The following MACF1 variants were observed in gnomAD, a reference collection of about 807,000 sequenced individuals.
The protein encoded by MACF1 is microtubule actin crosslinking factor 1, also known as microtubule-actin cross-linking factor 1.
MACF1 carries 193 observed loss-of-function variants against 854.8 expected under a neutral mutation model. That is an observed-to-expected ratio of 0.23 (90% CI 0.20 to 0.25). The LOEUF (loss-of-function observed/expected upper bound fraction) is 0.25, where lower values mean the gene tolerates loss of function less well. Ranked by LOEUF, MACF1 falls within the 10% of genes least tolerant of loss-of-function variation. MACF1 has a pLI of 1.00. For missense variants in MACF1, 7,722 were observed against 8,929.1 expected, an observed-to-expected ratio of 0.86 and a Z score of 5.45; for synonymous variants, 3,185 against 3,226.7, an observed-to-expected ratio of 0.99 and a Z score of 0.44.
chr1:39,485,700 A>C lies in MACF1; in HGVS notation c.22574A>C (p.Asn7525Thr). 6.2e-7 allele frequency: 1 copy of C among 1,613,900 alleles called. No individual in the cohort carries two copies. The highest frequency in any genetic ancestry group is 1.1e-5 in the South Asian group (1 of 91,066). ...AGCAGCGCTGCAGGGGGCCAAGGCA[A>C]CTCCAGGAGAGGGCTAAACAAACCT... is the stretch of plus-strand genomic sequence containing the variant. ...SESSAAGGQG[N>T]SRRGLNKPSK... Residue 7525 changes from asparagine to threonine, a missense_variant, in exon 101 of 101, where the codon AAC (asparagine) becomes ACC (threonine). Transcript: ENST00000564288.
intron 33 of MACF1, 145 bp downstream of exon 33, chr1:39,323,153 G>T (rs1023654554): frequency 2.8e-6 from 2 of 711,042 alleles, no homozygotes; most frequent in Non-Finnish European, 2.5e-6. Context: ...CAGCATGGGT[G>T]ACATAGGGAA....
intron 58 of MACF1, chr1:39,414,292 T>G: frequency 6.2e-7 from 1 of 1,614,044 alleles, no homozygotes; most frequent in Non-Finnish European, 8.5e-7. Flanking sequence ...CCTGGGAGTT[T>G]CTGCCCACAC....
In MACF1 at chr1:39,332,743, C is replaced by G; in HGVS notation, c.6155C>G (p.Pro2052Arg). 2 of 1,614,082 alleles carry G rather than the reference C, an allele frequency of 1.2e-6. No homozygotes were observed. Among genetic ancestry groups the G allele is most frequent in the Non-Finnish European group, 1.7e-6 (2 of 1,180,026 alleles). Residue 2052 changes from proline (P) to arginine (R), a missense_variant, in exon 37 of 101, where the codon CCC (proline) becomes CGC (arginine). This residue lies in a region of MACF1 where 1,531 missense variants were observed against 1,601.6 expected (regional missense o/e 0.96). Transcript: ENST00000564288. ...TTTTCTTCTCAGAACAAAGAATATCCCGATCGGGAAGATTGCACTACAGAA... is the reference window on the plus strand; with the variant it reads ...TTTTCTTCTCAGAACAAAGAATATCGCGATCGGGAAGATTGCACTACAGAA... ...FQFSSQNKEY[P>R]DREDCTTEKG...
intron 2 of MACF1, among the ~76,000 whole-genome samples, chr1:39,154,602 G>A (rs751724568): frequency 4.6e-5 from 7 of 152,064 alleles, no homozygotes; most frequent in Admixed American, 1.3e-4. Flanking sequence ...ATTCGTTCTC[G>A]CCTCATTGGT....
intron 5 of MACF1, among the ~76,000 whole-genome samples, chr1:39,257,191 G>A (rs563271088): frequency 3.9e-5 from 6 of 152,326 alleles, no homozygotes; most frequent in African/African-American, 1.2e-4. Context: ...TGAACAAAGA[G>A]TAGCATATCT....
At chr1:39,455,644 C>T (rs1173422563) in intron 89 of MACF1, among the ~76,000 whole-genome samples, 2 of 152,088 alleles carry the variant, frequency 1.3e-5, no homozygotes, top group Non-Finnish European at 2.9e-5. Context: ...AGTGGGAATC[C>T]TGGGGGCCTT....
Position 39,284,370 on chromosome 1 carries a change from A to G in MACF1, c.1073A>G (p.Glu358Gly). The change falls in exon 11 of 101, where the codon GAA (glutamate) becomes GGA (glycine). Residue 358 changes from glutamate (E) to glycine (G), a missense_variant. Physicochemically the swap from Glu to Gly is moderately conservative, Grantham distance 98 (BLOSUM62 -2). Coordinates refer to ENST00000564288, the MANE Select transcript of MACF1 (RefSeq NM_001394062.1). ...YNQYIHFKET[E>G]ILAKEREKGR... is the part of the protein sequence containing the mutation. ...CAATATATACACTTCAAAGAAACAG[A>G]AATTCTGGCCAAGGAGAGAGAAAAA... The G allele has an allele frequency of 6.2e-7, 1 of 1,601,950 alleles. No individual in the cohort carries two copies. Among genetic ancestry groups the G allele is most frequent in the Non-Finnish European group, 8.5e-7 (1 of 1,176,006 alleles).
chr1:39,338,846 G>GACT (rs34310924), intron 38 of MACF1, among the ~76,000 whole-genome samples: 1,571 of 152,306 alleles, frequency 0.01, 31 homozygotes, highest in African/African-American at 0.036. Context: ...CCTCAGTGAA[G>GACT]ACTACAGCCA....
chr1:39,102,427 T>C (rs1170534490), intron 2 of MACF1, among the ~76,000 whole-genome samples: 2 of 27,814 alleles, frequency 7.2e-5, no homozygotes, highest in Non-Finnish European at 1.5e-4. Context: ...GACCTATTAA[T>C]TGGAGGCGGG....
chr1:39,358,975 G>A, intron 46 of MACF1, 102 bp downstream of exon 46: 1 of 1,445,546 alleles, frequency 6.9e-7, no homozygotes, highest in South Asian at 1.4e-5. Flanking sequence ...AAAGGCAGTG[G>A]TTGGGATGCC....
chr1:39,181,879 G>A (rs916650398), intron 2 of MACF1, among the ~76,000 whole-genome samples: 2 of 152,180 alleles, frequency 1.3e-5, no homozygotes, highest in African/African-American at 2.4e-5. Flanking sequence ...TTGGCCAGGC[G>A]TTGTGGCTCA....
In MACF1 at chr1:39,447,834, A is replaced by G; in HGVS notation, c.19904A>G (p.Lys6635Arg). 6.2e-7 allele frequency: 1 copy of G among 1,613,756 alleles called. No homozygotes were observed. The highest frequency in any genetic ancestry group is 8.5e-7 in the Non-Finnish European group (1 of 1,179,876). The change falls in exon 82 of 101, where the codon AAG becomes AGG. Residue 6635 changes from lysine to arginine, a missense_variant. Transcript: ENST00000564288. ...LLVSVQSRWE[K>R]VVQRSIERGR... ...GTGAGCGTGCAGTCTCGATGGGAGA[A>G]GGTTGTCCAGCGATCTATTGAAAGA...
At chr1:39,254,548 C>A in intron 5 of MACF1, 173 bp downstream of exon 5, 1 of 597,512 alleles carries the variant, frequency 1.7e-6, no homozygotes, top group Non-Finnish European at 3.0e-6. Flanking sequence ...AGAAATCATT[C>A]AGTACTCACA....
At chr1:39,234,297 C>G (rs1021012894) in intron 2 of MACF1, among the ~76,000 whole-genome samples, 2 of 152,072 alleles carry the variant, frequency 1.3e-5, no homozygotes, top group African/African-American at 2.4e-5. Context: ...TCTCAATGAG[C>G]TGTTGGGCAC....
intron 40 of MACF1, among the ~76,000 whole-genome samples, chr1:39,343,739 C>T (rs1646984797): frequency 6.6e-6 from 1 of 152,172 alleles, no homozygotes; most frequent in African/African-American, 2.4e-5. Flanking sequence ...GTTCTTGCCT[C>T]CTCAGGCGAA....
At chr1:39,216,190 T>C (rs1018739084) in intron 1 of MACF1, among the ~76,000 whole-genome samples, 5 of 152,208 alleles carry the variant, frequency 3.3e-5, no homozygotes, top group Admixed American at 1.3e-4. Context: ...AAAGCTAAAC[T>C]TAAAGAATTG....
intron 3 of MACF1, among the ~76,000 whole-genome samples, chr1:39,250,972 T>C (rs1213505174): frequency 6.6e-6 from 1 of 152,196 alleles, no homozygotes; most frequent in African/African-American, 2.4e-5. Flanking sequence ...ACTGGAAATA[T>C]CTGTGGAGAA....
chr1:39,385,972 AAGCAGAAAGAAGGAAT>A, intron 57 of MACF1, 43 bp downstream of exon 57: 1 of 1,551,044 alleles, frequency 6.4e-7, no homozygotes, highest in South Asian at 1.2e-5. Context: ...TATTAGAGGC[AAGCAGAAAGAAGGAAT>A]GGGTTAGGAG....
intron 6 of MACF1, chr1:39,269,219 C>T: frequency 7.8e-7 from 1 of 1,289,972 alleles, no homozygotes; most frequent in Non-Finnish European, 1.0e-6. Flanking sequence ...CCTGCAGCAG[C>T]AGGGCTGTGT....
Sources: gnomAD v4.1 joint callset for allele counts (sites outside exome capture counted in the v4.1 genomes callset) on GRCh38, gnomAD v4.1.1 for gene constraint, gnomAD v4.1.1 regional missense constraint, MANE v1.5 for transcripts, NCBI Gene and HGNC (gene_info 2026-07-23, HGNC 2026-07-21) for gene names.